The following THEM4 variants were observed in gnomAD, a reference collection of about 807,000 sequenced individuals.
The protein encoded by THEM4 is thioesterase superfamily member 4.
In THEM4, 22 loss-of-function variants were observed where a neutral mutation model predicts 25.0. The observed-to-expected ratio is 0.88, with a 90% CI of 0.63 to 1.26. The LOEUF (loss-of-function observed/expected upper bound fraction) is 1.26, where lower values mean the gene tolerates loss of function less well. Among genes scored for constraint, THEM4 ranks in the 50% most tolerant of loss-of-function variants. The probability of loss-of-function intolerance (pLI) is 0.00; values close to 1 mark genes in which losing one functional copy is unlikely to be tolerated. For missense variants in THEM4, 286 were observed against 300.3 expected (o/e 0.95, Z 0.35); for synonymous variants, 113 against 105.6 (o/e 1.07, Z -0.43).
At position 151,872,163 on chromosome 1, in the gene THEM4, C is replaced by T. The variant is rs141163852; in HGVS notation, c.*2725G>A. The stretch of plus-strand genomic sequence containing the variant: ...TGCAGTGCCCCCATGTCTGCTGGGC[C>T]CTTGCAACTTGAGAACTGGAGTTGG... On this transcript the variant is annotated 3_prime_UTR_variant, in exon 6 of 6. Coordinates refer to ENST00000368814, the MANE Select transcript of THEM4 (RefSeq NM_053055.5). Among the ~76,000 whole-genome samples the T allele has an allele frequency of 1.1e-3, 163 of 152,212 alleles. 1 individual carries two copies. In the East Asian group the frequency reaches 0.022, roughly 21 times the overall value.
intron 1 of THEM4, among the ~76,000 whole-genome samples, chr1:151,897,506 T>G (rs1572081198): frequency 6.6e-6 from 1 of 152,218 alleles, no homozygotes; most frequent in South Asian, 2.1e-4. Flanking sequence ...TGGCTCTCCT[T>G]GCTCCTCAGC....
intron 1 of THEM4, among the ~76,000 whole-genome samples, chr1:151,905,863 C>G (rs1468523562): frequency 1.3e-5 from 2 of 152,196 alleles, no homozygotes; most frequent in Admixed American, 6.5e-5. Context: ...CGTCTGGGCA[C>G]CATAGTGAAG....
rs187733000 is a variant in THEM4 at position 151,881,230 on chromosome 1, C to T, written c.558-4105G>A. Among the ~76,000 whole-genome samples, 63 of 152,190 alleles carry T rather than the reference C, an allele frequency of 4.1e-4. 1 individual carries two copies. The highest frequency in any genetic ancestry group is 2.2e-3 in the Admixed American group (34 of 15,274). ...TCCCCCAGGCTGGAGTGCAGTGGCG[C>T]AATCATAGCTTACTGCAACCTTGAA... On this transcript the variant is annotated intron_variant, in intron 4 of 5. Coordinates refer to ENST00000368814, the MANE Select transcript of THEM4 (RefSeq NM_053055.5).
intron 2 of THEM4, among the ~76,000 whole-genome samples, chr1:151,894,549 CA>C (rs1654175630): frequency 6.6e-6 from 1 of 152,064 alleles, no homozygotes; most frequent in African/African-American, 2.4e-5. Flanking sequence ...AGTAAAAAAA[CA>C]CAGAAGGATA....
At chr1:151,885,350 C>T (rs974531025) in intron 4 of THEM4, among the ~76,000 whole-genome samples, 3 of 151,682 alleles carry the variant, frequency 2.0e-5, no homozygotes, top group African/African-American at 4.8e-5. Context: ...AACTCCTGAC[C>T]TCAGGTGATC....
chr1:151,900,987 C>T (rs1654338766), intron 1 of THEM4, among the ~76,000 whole-genome samples: 1 of 152,264 alleles, frequency 6.6e-6, no homozygotes, highest in Non-Finnish European at 1.5e-5. Flanking sequence ...GCCTTAAGGA[C>T]ATGTTCCTGC....
At chr1:151,900,071 A>T (rs1003354386) in intron 1 of THEM4, among the ~76,000 whole-genome samples, 1 of 152,220 alleles carries the variant, frequency 6.6e-6, no homozygotes, top group Non-Finnish European at 1.5e-5. Flanking sequence ...TCATATATGA[A>T]CGAAAGATAC....
chr1:151,888,295 T>A lies in THEM4; in HGVS notation c.535A>T (p.Asn179Tyr). ...TACCTTTTATAATTGATGTTGAGAT[T>A]GGCAGTCATGACGATTCCCCCAGCC... ...MMAGGIVMTA[N>Y]LNINYKRPIP... The change falls in exon 4 of 6, where the codon AAT becomes TAT. Residue 179 changes from asparagine (N) to tyrosine (Y), a missense_variant. Asn to Tyr is a moderately radical substitution (Grantham distance 143). Coordinates refer to ENST00000368814, the MANE Select transcript of THEM4 (RefSeq NM_053055.5). The A allele has an allele frequency of 6.2e-7, 1 of 1,613,342 alleles. No individual in the cohort carries two copies. The highest frequency in any genetic ancestry group is 8.5e-7 in the Non-Finnish European group (1 of 1,179,536).
chr1:151,898,310 C>T (rs1654269689), intron 1 of THEM4, among the ~76,000 whole-genome samples: 2 of 152,144 alleles, frequency 1.3e-5, no homozygotes, highest in Admixed American at 1.3e-4. Context: ...CCTGTGACTG[C>T]CGGCTTTCCC....
At chr1:151,884,803 C>A (rs1033205175) in intron 4 of THEM4, among the ~76,000 whole-genome samples, 1 of 151,786 alleles carries the variant, frequency 6.6e-6, no homozygotes, top group African/African-American at 2.4e-5. Context: ...ATTCTCCTGC[C>A]TCAGCCTCCC....
At chr1:151,883,755 A>G (rs918976906) in intron 4 of THEM4, among the ~76,000 whole-genome samples, 1 of 151,700 alleles carries the variant, frequency 6.6e-6, no homozygotes, top group African/African-American at 2.4e-5. Context: ...CAGCCTCCCA[A>G]GTAGCCTGGC....
At chr1:151,904,405 C>A (rs1237517887) in intron 1 of THEM4, among the ~76,000 whole-genome samples, 7 of 152,124 alleles carry the variant, frequency 4.6e-5, no homozygotes, top group African/African-American at 1.7e-4. Context: ...AAGTAGAAAA[C>A]TCACACGTGA....
At chr1:151,891,322 T>C (rs1654087215) in intron 2 of THEM4, 1 of 152,230 alleles carries the variant, frequency 6.6e-6, no homozygotes. Context: ...AGAAGGGCTT[T>C]GAGGAGGATA....
intron 1 of THEM4, among the ~76,000 whole-genome samples, chr1:151,907,631 T>A (rs1308920142): frequency 6.6e-6 from 1 of 152,186 alleles, no homozygotes; most frequent in Admixed American, 6.5e-5. Flanking sequence ...CCATGGCCTC[T>A]CCAGTCCTCC....
In THEM4 at chr1:151,878,891, T is replaced by TACACACACACACACACAC. The variant is rs55900104; in HGVS notation, c.558-1784_558-1767dup. ...GTTTTATTATATTTGTATATGTCTA[T>TACACACACACACACACAC]ACACACACACACACACACACACACA... On this transcript the variant is annotated intron_variant, in intron 4 of 5. Transcript: ENST00000368814. Among the ~76,000 whole-genome samples, 73 of 138,638 alleles carry TACACACACACACACACAC rather than the reference T, an allele frequency of 5.3e-4. 1 individual carries two copies. Among genetic ancestry groups the TACACACACACACACACAC allele is most frequent in the African/African-American group, 1.9e-3 (70 of 37,440 alleles). The allele number at this position is 138,638 out of a possible 152,430, so 91.0% of individuals were successfully genotyped here. A position where few individuals can be genotyped will look rare whatever the true frequency, so the allele number is the denominator to read the frequency against.
intron 1 of THEM4, among the ~76,000 whole-genome samples, chr1:151,903,945 AG>A (rs1480878765): frequency 6.6e-6 from 1 of 152,238 alleles, no homozygotes; most frequent in African/African-American, 2.4e-5. Context: ...GTTCTATGTG[AG>A]GGACAGGTAA....
In THEM4 at chr1:151,872,190, C is replaced by T. The variant is rs907078441; in HGVS notation, c.*2698G>A. ...TTGCAACTTGAGAACTGGAGTTGGG[C>T]ACTAGAGACAGGGCTTCCAGGATGT... On this transcript the variant is annotated 3_prime_UTR_variant, in exon 6 of 6. Transcript: ENST00000368814. Among the ~76,000 whole-genome samples, 7 of 152,120 alleles carry T rather than the reference C, an allele frequency of 4.6e-5. No individual in the cohort carries two copies. The highest frequency in any genetic ancestry group is 1.3e-4 in the Admixed American group (2 of 15,270).
At chr1:151,907,284 C>T (rs1281454628) in intron 1 of THEM4, among the ~76,000 whole-genome samples, 2 of 152,174 alleles carry the variant, frequency 1.3e-5, no homozygotes, top group Non-Finnish European at 2.9e-5. Flanking sequence ...AAGGAACAAA[C>T]GCCGGACATG....
intron 1 of THEM4, among the ~76,000 whole-genome samples, chr1:151,902,429 T>C (rs779748412): frequency 3.3e-5 from 5 of 151,874 alleles, no homozygotes; most frequent in Non-Finnish European, 7.4e-5. Context: ...TTCTCAATTA[T>C]ATGGGAGAGC....
Sources: gnomAD v4.1 joint callset for allele counts (sites outside exome capture counted in the v4.1 genomes callset) on GRCh38, gnomAD v4.1.1 for gene constraint, MANE v1.5 for transcripts, NCBI Gene and HGNC (gene_info 2026-07-23, HGNC 2026-07-21) for gene names.